UNC13C: variants seen among roughly 807,000 people sequenced by gnomAD.
The protein encoded by UNC13C is protein unc-13 homolog C.
UNC13C carries 174 observed loss-of-function variants against 245.4 expected under a neutral mutation model. The ratio of observed to expected loss-of-function variants is 0.71; its 90% CI spans 0.63 to 0.80. The LOEUF (loss-of-function observed/expected upper bound fraction) is 0.80, where lower values mean the gene tolerates loss of function less well. Ranked by LOEUF, UNC13C falls within the 30% of genes least tolerant of loss-of-function variation. UNC13C has a pLI of 0.00. For missense variants in UNC13C, 2,829 were observed against 2,602.9 expected (o/e 1.09, Z -1.89); for synonymous variants, 992 against 895.1 (o/e 1.11, Z -1.93).
chr15:54,474,166 T>G (rs1042759911), intron 19 of UNC13C, among the ~76,000 whole-genome samples: 1 of 151,942 alleles, frequency 6.6e-6, no homozygotes, highest in African/African-American at 2.4e-5. Flanking sequence ...TTGATTTGCT[T>G]TTTTTGGGAG....
the UNC13C span, among the ~76,000 whole-genome samples, chr15:53,867,075 A>G: frequency 0.93 from 141,983 of 152,248 alleles, 67,029 homozygotes; most frequent in East Asian, 1. Flanking sequence ...CTTGGAAATC[A>G]TATGGCTTAA....
At chr15:54,323,819 G>T (rs115443229) in intron 14 of UNC13C, among the ~76,000 whole-genome samples, 3,254 of 152,124 alleles carry the variant, frequency 0.021, 116 homozygotes, top group African/African-American at 0.074. Flanking sequence ...AAATTGTTTT[G>T]CTTCTAATAT....
At chr15:54,104,384 A>T (rs1290035962) in intron 2 of UNC13C, among the ~76,000 whole-genome samples, 1 of 152,168 alleles carries the variant, frequency 6.6e-6, no homozygotes, top group Non-Finnish European at 1.5e-5. Flanking sequence ...TAACTTAAAA[A>T]AATATATTCT....
At chr15:54,623,101 A>G (rs1374381030) in intron 31 of UNC13C, among the ~76,000 whole-genome samples, 2 of 152,184 alleles carry the variant, frequency 1.3e-5, no homozygotes, top group Non-Finnish European at 2.9e-5. Flanking sequence ...AACGTGTGAA[A>G]GTTTAATGAA....
intron 19 of UNC13C, among the ~76,000 whole-genome samples, chr15:54,486,689 G>C (rs1258275560): frequency 6.6e-6 from 1 of 152,000 alleles, no homozygotes; most frequent in African/African-American, 2.4e-5. Flanking sequence ...CAAGAGCTTT[G>C]GACACCTATC....
At chr15:54,044,568 G>T (rs112294783) in intron 2 of UNC13C, 6 of 173,392 alleles carry the variant, frequency 3.5e-5, no homozygotes, top group African/African-American at 2.4e-5. Flanking sequence ...GGGGTGGGGG[G>T]TGTGGGGGAG....
the UNC13C span, among the ~76,000 whole-genome samples, chr15:53,963,309 T>C: frequency 7.2e-5 from 11 of 152,222 alleles, no homozygotes; most frequent in Non-Finnish European, 2.9e-5. Flanking sequence ...CTGAGACTTT[T>C]GTTATAAAAA....
intron 17 of UNC13C, among the ~76,000 whole-genome samples, chr15:54,345,948 A>G (rs1365282673): frequency 6.6e-6 from 1 of 152,174 alleles, no homozygotes; most frequent in East Asian, 1.9e-4. Flanking sequence ...TCCCTTCTCC[A>G]AACTTCCCTC....
chr15:54,251,834 CTTG>C (rs1030319903), intron 8 of UNC13C, among the ~76,000 whole-genome samples: 2 of 152,114 alleles, frequency 1.3e-5, no homozygotes, highest in Non-Finnish European at 2.9e-5. Flanking sequence ...TCACAGCTGA[CTTG>C]TTGTAGTCAC....
chr15:54,221,096 A>G (rs1415941747), intron 4 of UNC13C, among the ~76,000 whole-genome samples: 4 of 152,048 alleles, frequency 2.6e-5, no homozygotes, highest in Non-Finnish European at 4.4e-5. Flanking sequence ...TATTTTGTGT[A>G]TATTTTCCCT....
chr15:54,421,343 C>A (rs977709047), intron 19 of UNC13C, among the ~76,000 whole-genome samples: 1 of 152,044 alleles, frequency 6.6e-6, no homozygotes, highest in East Asian at 1.9e-4. Flanking sequence ...ATAGCCTATA[C>A]ATCAAAACTC....
At chr15:54,324,443 T>C (rs2038242243) in intron 14 of UNC13C, among the ~76,000 whole-genome samples, 2 of 152,064 alleles carry the variant, frequency 1.3e-5, no homozygotes. Flanking sequence ...CCTTTTCAAG[T>C]ATAAATCTTA....
chr15:53,887,390 A>G, the UNC13C span, among the ~76,000 whole-genome samples: 1 of 152,194 alleles, frequency 6.6e-6, no homozygotes, highest in African/African-American at 2.4e-5. Context: ...AAAGTATATT[A>G]GGGGTAAAAT....
At chr15:54,510,429 A>G (rs1478234075) in intron 23 of UNC13C, among the ~76,000 whole-genome samples, 4 of 151,620 alleles carry the variant, frequency 2.6e-5, no homozygotes, top group African/African-American at 9.8e-5. Context: ...GCCCAGATCA[A>G]GTAGTTCTCA....
intron 8 of UNC13C, among the ~76,000 whole-genome samples, chr15:54,261,360 A>G (rs2036419054): frequency 6.6e-6 from 1 of 152,240 alleles, no homozygotes; most frequent in Non-Finnish European, 1.5e-5. Context: ...GAGTTTCATT[A>G]GAAACATAAG....
chr15:54,224,218 A>G (rs1336646575), intron 4 of UNC13C, among the ~76,000 whole-genome samples: 1 of 152,134 alleles, frequency 6.6e-6, no homozygotes, highest in East Asian at 1.9e-4. Flanking sequence ...TACTGATCTT[A>G]AAGGAAAGGT....
At chr15:53,938,440 G>C in the UNC13C span, among the ~76,000 whole-genome samples, 1 of 152,096 alleles carries the variant, frequency 6.6e-6, no homozygotes, top group Non-Finnish European at 1.5e-5. Context: ...GACAATACTA[G>C]ACAGATCATT....
intron 17 of UNC13C, among the ~76,000 whole-genome samples, chr15:54,382,917 A>G (rs2039758177): frequency 1.3e-5 from 2 of 152,158 alleles, no homozygotes; most frequent in African/African-American, 4.8e-5. Flanking sequence ...ATTATTAACA[A>G]CTATACACTA....
chr15:54,398,815 C>T (rs1225269401), intron 18 of UNC13C, among the ~76,000 whole-genome samples: 3 of 151,400 alleles, frequency 2.0e-5, no homozygotes, highest in African/African-American at 7.2e-5. Flanking sequence ...TTTCCTCTCT[C>T]ATCCTTAATA....
Sources: gnomAD v4.1 joint callset for allele counts (sites outside exome capture counted in the v4.1 genomes callset) on GRCh38, gnomAD v4.1.1 for gene constraint, MANE v1.5 for transcripts, NCBI Gene and HGNC (gene_info 2026-07-23, HGNC 2026-07-21) for gene names.